Variants in EVL observed in about 807,000 individuals in gnomAD.
EVL encodes Enah/Vasp-like.
Under a neutral mutation model 59.6 loss-of-function variants are expected in EVL, and 21 were observed. That is an observed-to-expected ratio of 0.35 (90% CI 0.25 to 0.51). The LOEUF is 0.51. Ranked by LOEUF, EVL falls within the 20% of genes least tolerant of loss-of-function variation. EVL has a pLI of 0.97. For missense variants in EVL, 462 were observed against 546.6 expected, an observed-to-expected ratio of 0.85 and a Z score of 1.54; for synonymous variants, 198 against 203.5, an observed-to-expected ratio of 0.97 and a Z score of 0.23.
At chr14:100,038,710 G>C (rs117680893) in intron 1 of EVL, among the ~76,000 whole-genome samples, 2 of 151,214 alleles carry the variant, frequency 1.3e-5, no homozygotes, top group African/African-American at 4.9e-5. Flanking sequence ...CCACAGCTTG[G>C]GTGGGTAGCT....
At chr14:100,110,438 G>T (rs1163135684) in intron 3 of EVL, among the ~76,000 whole-genome samples, 1 of 152,172 alleles carries the variant, frequency 6.6e-6, no homozygotes, top group Non-Finnish European at 1.5e-5. Context: ...CCATCACGTT[G>T]GGACACAGAG....
At chr14:100,117,064 C>G (rs1355829873) in intron 3 of EVL, among the ~76,000 whole-genome samples, 1 of 152,174 alleles carries the variant, frequency 6.6e-6, no homozygotes, top group Non-Finnish European at 1.5e-5. Context: ...GGGGAGTGCA[C>G]CAGGGCTGCC....
At chr14:100,079,363 G>T (rs956915835) in intron 1 of EVL, among the ~76,000 whole-genome samples, 6 of 152,160 alleles carry the variant, frequency 3.9e-5, no homozygotes, top group Admixed American at 2.6e-4. Flanking sequence ...CCACAGTCAG[G>T]GTCATTTGTT....
chr14:100,005,650 C>G (rs574096179), intron 1 of EVL, among the ~76,000 whole-genome samples: 1 of 151,964 alleles, frequency 6.6e-6, no homozygotes, highest in Non-Finnish European at 1.5e-5. Context: ...CACACACACA[C>G]ACACACACAC....
At chr14:100,102,565 T>C (rs1566695800) in intron 3 of EVL, 1 of 349,848 alleles carries the variant, frequency 2.9e-6, no homozygotes, top group East Asian at 7.7e-5. Context: ...ATTCCTTGGC[T>C]CTTCCTCGTC....
In EVL at chr14:100,143,910, C is replaced by CT; in HGVS notation, c.*173dup. 4.3e-6 allele frequency: 3 copies of CT among 698,390 alleles called. No individual in the cohort carries two copies. Among genetic ancestry groups the CT allele is most frequent in the Non-Finnish European group, 7.0e-6 (3 of 430,010 alleles). The allele number at this position is 698,390 out of a possible 1,614,324, so 43.3% of individuals were successfully genotyped here. ...ATGACAGTGAGGAAACCAAGTGCAA[C>CT]TCCTGGGTTTTTTTAGATTCTGCCT... On this transcript the variant is annotated 3_prime_UTR_variant, in exon 14 of 14. Transcript: ENST00000392920.
chr14:100,125,122 CCACACACA>C (rs57005382), intron 4 of EVL, among the ~76,000 whole-genome samples: 35 of 103,078 alleles, frequency 3.4e-4, no homozygotes, highest in Admixed American at 1.4e-3. Context: ...CAAGGCGGGA[CCACACACA>C]CACACACACA....
intron 1 of EVL, among the ~76,000 whole-genome samples, chr14:100,009,256 CTCTT>C (rs949339201): frequency 2.0e-4 from 30 of 152,236 alleles, no homozygotes; most frequent in Non-Finnish European, 4.0e-4. Flanking sequence ...AACTACTGCT[CTCTT>C]TGAGAACACA....
intron 1 of EVL, among the ~76,000 whole-genome samples, chr14:100,023,909 A>C (rs2061168797): frequency 6.6e-6 from 1 of 152,202 alleles, no homozygotes; most frequent in Non-Finnish European, 1.5e-5. Flanking sequence ...CTCTGGACCC[A>C]GAACAGTGCC....
intron 3 of EVL, chr14:100,107,128 G>A (rs1390922076): frequency 3.3e-5 from 13 of 398,668 alleles, no homozygotes; most frequent in African/African-American, 1.2e-4. Context: ...CTTCAGGGCC[G>A]TGCCCCATGC....
rs754596950 is a variant in EVL, at chr14:100,137,734, C to T, written c.1032-6C>T. 14 of 1,613,986 alleles carry T rather than the reference C, an allele frequency of 8.7e-6. No homozygotes were observed. The highest frequency in any genetic ancestry group is 1.1e-5 in the Non-Finnish European group (13 of 1,180,026). On this transcript the variant is annotated splice_region_variant and splice_polypyrimidine_tract_variant and intron_variant, in intron 10 of 13. Transcript: ENST00000392920. ...TTCACATGTCTGTTTCATTCCATTGCCGTAGAACCCCGTCTGTGGCAAAGA... is the reference window on the plus strand; with the variant it reads ...TTCACATGTCTGTTTCATTCCATTGTCGTAGAACCCCGTCTGTGGCAAAGA...
At chr14:100,005,239 T>G (rs748735318) in intron 1 of EVL, among the ~76,000 whole-genome samples, 3 of 152,204 alleles carry the variant, frequency 2.0e-5, no homozygotes, top group Non-Finnish European at 4.4e-5. Flanking sequence ...AGCAGTCCTT[T>G]CTCTAAACAA....
At chr14:100,062,976 T>TA (rs1474342841), upstream of EVL, among the ~76,000 whole-genome samples, 2 of 152,202 alleles carry the variant, frequency 1.3e-5, no homozygotes, top group Non-Finnish European at 2.9e-5. Flanking sequence ...TGTGTGCCTA[T>TA]AGTCCTAACT....
At chr14:100,028,134 GT>G (rs137903594) in intron 1 of EVL, among the ~76,000 whole-genome samples, 375 of 118,754 alleles carry the variant, frequency 3.2e-3, no homozygotes, top group Middle Eastern at 8.3e-3. Flanking sequence ...TTGTTTGTTT[GT>G]TTTTTTTTTT....
At position 99,986,120 on chromosome 14, in the gene EVL, T is replaced by C. The variant is rs368174534; in HGVS notation, c.5+14063T>C. On this transcript the variant is annotated intron_variant, in intron 1 of 13. Transcript: ENST00000402714. ...CAGCCTGACCAACATGGCTAAACCCTGTCCCTACTAAAAATATAAAAATTA... is the reference window on the plus strand; with the variant it reads ...CAGCCTGACCAACATGGCTAAACCCCGTCCCTACTAAAAATATAAAAATTA... Among the ~76,000 whole-genome samples the C allele has an allele frequency of 3.1e-4, 47 of 151,982 alleles. No homozygotes were observed. In the East Asian group the frequency reaches 8.6e-3, roughly 28 times the overall value.
chr14:100,023,771 C>CT (rs1209268255), intron 1 of EVL, among the ~76,000 whole-genome samples: 1 of 152,088 alleles, frequency 6.6e-6, no homozygotes, highest in Non-Finnish European at 1.5e-5. Flanking sequence ...CTCCTTTTGC[C>CT]TTTTTTAAAA....
At chr14:100,125,004 GCACA>G (rs141448450) in intron 4 of EVL, among the ~76,000 whole-genome samples, 3 of 149,350 alleles carry the variant, frequency 2.0e-5, no homozygotes, top group African/African-American at 4.9e-5. Flanking sequence ...ACACACATGC[GCACA>G]CACACACACC....
intron 1 of EVL, among the ~76,000 whole-genome samples, chr14:100,039,696 G>A (rs1336404786): frequency 2.0e-5 from 3 of 152,164 alleles, no homozygotes; most frequent in South Asian, 4.1e-4. Context: ...GGGATGGTAA[G>A]TAGTTTCCTA....
intron 1 of EVL, among the ~76,000 whole-genome samples, chr14:100,009,835 G>C (rs375584599): frequency 6.6e-6 from 1 of 152,160 alleles, no homozygotes; most frequent in African/African-American, 2.4e-5. Context: ...GATTCAGAAG[G>C]CAGGACAACT....
Sources: allele counts gnomAD v4.1 joint callset (sites outside exome capture counted in the v4.1 genomes callset), GRCh38; gene constraint gnomAD v4.1.1; transcripts MANE v1.5; gene names NCBI Gene and HGNC (gene_info 2026-07-23, HGNC 2026-07-21).